Variants in P2RX6 observed in about 807,000 individuals in gnomAD.
The protein encoded by P2RX6 is purinergic receptor P2X 6.
In P2RX6, 62 loss-of-function variants were observed where a neutral mutation model predicts 54.2. That is an observed-to-expected ratio of 1.14 (90% confidence interval 0.93 to 1.41). P2RX6 has a LOEUF of 1.41. Ranked by LOEUF, P2RX6 falls within the 40% of genes most tolerant of loss-of-function variation. The pLI, the probability that P2RX6 is intolerant of heterozygous loss-of-function variation, is 0.00. For synonymous variants in P2RX6, 211 were observed against 231.9 expected, an observed-to-expected ratio of 0.91 and a Z score of 0.82; for missense variants, 541 against 566.3, an observed-to-expected ratio of 0.96 and a Z score of 0.45.
intron 9 of P2RX6, 39 bp from the exon 10 acceptor site, chr22:21,025,972 C>T: frequency 6.3e-7 from 1 of 1,594,538 alleles, no homozygotes; most frequent in Non-Finnish European, 8.5e-7. Context: ...ATGAGGCTGA[C>T]AGTCGTGGGC....
At chr22:21,022,773 C>T in intron 4 of P2RX6, 22 bp downstream of exon 4, 1 of 1,546,982 alleles carries the variant, frequency 6.5e-7, no homozygotes, top group African/African-American at 1.4e-5. Context: ...CTCTGTCTTC[C>T]AGTGCCCCCA....
Position 21,026,831 on chromosome 22 carries a change from T to G in P2RX6, c.*214T>G, listed in dbSNP as rs1928545146. ...TGAGACGGCGACAGAACCTGACCCG[T>G]GGAGACTGGGAGAGCCCAGCAGGCA... On this transcript the variant is annotated 3_prime_UTR_variant, in exon 12 of 12. Coordinates refer to ENST00000413302, the MANE Select transcript of P2RX6 (RefSeq NM_005446.5). The surrounding 1 kb of genome is among the most constrained non-coding windows in gnomAD (Gnocchi z 4.0). 2.0e-6 allele frequency: 2 copies of G among 1,015,226 alleles called. No homozygotes were observed. The highest frequency in any genetic ancestry group is 3.5e-5 in the South Asian group (2 of 57,656). 62.9% of individuals were successfully genotyped at this position (1,015,226 alleles called of 1,614,324 possible).
intron 1 of P2RX6, chr22:21,010,087 G>C (rs1925655008): frequency 6.6e-6 from 1 of 152,246 alleles, no homozygotes; most frequent in Admixed American, 6.5e-5. Flanking sequence ...CCATTGCCAT[G>C]GATCAAGTGG....
At chr22:21,020,488 C>T (rs1312059269) in intron 3 of P2RX6, among the ~76,000 whole-genome samples, 1 of 152,174 alleles carries the variant, frequency 6.6e-6, no homozygotes, top group Non-Finnish European at 1.5e-5. Context: ...ACTTCAAAGA[C>T]CACCCACATG....
chr22:21,021,355 G>C (rs958905475), intron 3 of P2RX6, among the ~76,000 whole-genome samples: 3 of 152,066 alleles, frequency 2.0e-5, no homozygotes, highest in Admixed American at 6.5e-5. Flanking sequence ...CTGCACATTG[G>C]GATGCACCAC....
rs960880194 is a variant in P2RX6 at position 21,026,992 on chromosome 22, C to T, written c.*375C>T. The T allele has an allele frequency of 1.0e-4, 25 of 239,510 alleles. No individual in the cohort carries two copies. The South Asian group carries it at 2.1e-3, about 20-fold the overall frequency. 14.8% of individuals were successfully genotyped at this position (239,510 alleles called of 1,614,324 possible). ...CCAGCTGTCAGCACAGACCCTCCTG[C>T]TGCCTGGGTCCTGGCCCTCCTCCCC... On this transcript the variant is annotated 3_prime_UTR_variant, in exon 12 of 12. Coordinates refer to ENST00000413302, the MANE Select transcript of P2RX6 (RefSeq NM_005446.5). The surrounding 1 kb of genome is among the most constrained non-coding windows in gnomAD (Gnocchi z 4.0).
In P2RX6 at chr22:21,023,421, G is replaced by A; in HGVS notation, c.780+5G>A. On this transcript the variant is annotated splice_donor_5th_base_variant and intron_variant, in intron 7 of 11. Transcript: ENST00000413302. The stretch of plus-strand genomic sequence containing the variant: ...TTCGAGGACCTGGCGTTGCTGGTGG[G>A]TCCCAAGTTGGGGGCAGGGTTCCTA... 6.2e-7 allele frequency: 1 copy of A among 1,614,000 alleles called. No individual in the cohort carries two copies. Among genetic ancestry groups the A allele is most frequent in the Non-Finnish European group, 8.5e-7 (1 of 1,179,884 alleles).
At chr22:21,010,675 G>T (rs1489856123), upstream of P2RX6, among the ~76,000 whole-genome samples, 1 of 152,140 alleles carries the variant, frequency 6.6e-6, no homozygotes, top group African/African-American at 2.4e-5. Flanking sequence ...GCAGGTAGAA[G>T]TGCAAATTCC....
At chr22:21,017,840 C>T (rs1926673083) in intron 2 of P2RX6, 149 bp from the exon 3 acceptor site, 1 of 704,010 alleles carries the variant, frequency 1.4e-6, no homozygotes, top group South Asian at 1.5e-5. Context: ...CTGCCAGCCT[C>T]CCATCTCTGC....
At chr22:21,015,832 G>T in intron 1 of P2RX6, 110 bp from the exon 2 acceptor site, 1 of 1,156,120 alleles carries the variant, frequency 8.6e-7, no homozygotes, top group Non-Finnish European at 1.2e-6. Context: ...CTTCGATGTT[G>T]GGCCGGGAGC....
intron 3 of P2RX6, 93 bp downstream of exon 3, chr22:21,018,153 T>C: frequency 1.2e-6 from 1 of 816,246 alleles, no homozygotes; most frequent in Non-Finnish European, 2.1e-6. Context: ...CCCAGGTGGC[T>C]GAAGGCTCAG....
At chr22:21,014,460 G>C (rs1195092609), upstream of P2RX6, among the ~76,000 whole-genome samples, 3 of 152,218 alleles carry the variant, frequency 2.0e-5, no homozygotes, top group East Asian at 5.8e-4. Flanking sequence ...CCTCGCCTGA[G>C]AGGATAAACT....
At chr22:21,022,485 C>T (rs566042769) in intron 3 of P2RX6, among the ~76,000 whole-genome samples, 191 bp from the exon 4 acceptor site, 39 of 152,344 alleles carry the variant, frequency 2.6e-4, no homozygotes, top group African/African-American at 9.1e-4. Flanking sequence ...CTGACCACCT[C>T]CTTTTATTTG....
upstream of P2RX6, chr22:21,011,612 C>T (rs1925740774): frequency 1.4e-6 from 1 of 712,922 alleles, no homozygotes; most frequent in Non-Finnish European, 2.6e-6. Flanking sequence ...AGCCACTCCT[C>T]AGCCAGTGGG....
upstream of P2RX6, among the ~76,000 whole-genome samples, chr22:21,014,848 G>A (rs1343581796): frequency 1.3e-5 from 2 of 152,170 alleles, no homozygotes; most frequent in African/African-American, 4.8e-5. Flanking sequence ...CCGCCCTGCT[G>A]CTGCTGCCCT....
At chr22:21,012,871 GC>G (rs1215482493), upstream of P2RX6, among the ~76,000 whole-genome samples, 1 of 150,708 alleles carries the variant, frequency 6.6e-6, no homozygotes, top group African/African-American at 2.4e-5. Flanking sequence ...AACCCTTCAT[GC>G]CATCTGTCAT....
upstream of P2RX6, chr22:21,011,470 G>T (rs146547300): frequency 2.0e-5 from 14 of 705,180 alleles, no homozygotes; most frequent in South Asian, 2.1e-4. Flanking sequence ...GTGCTGGGCC[G>T]CCTGCTCCTC....
rs1270485542 is a variant in P2RX6, at chr22:21,024,590, G to A, written c.890+972G>A. ...CACGCCCGACCTTTTTTTTTGAAAC[G>A]GAGTTTTCACTTTCTTGTAGTCCAG... On this transcript the variant is annotated intron_variant, in intron 8 of 11. Transcript: ENST00000413302. Among the ~76,000 whole-genome samples the A allele has an allele frequency of 5.5e-5, 8 of 145,208 alleles. No individual in the cohort carries two copies. In the Admixed American group the frequency reaches 5.5e-4, roughly 10 times the overall value.
At position 21,019,449 on chromosome 22, in the gene P2RX6, G is replaced by A. The variant is rs113772384; in HGVS notation, c.387+1389G>A. Among the ~76,000 whole-genome samples, 834 of 152,290 alleles carry A rather than the reference G, an allele frequency of 5.5e-3. 9 individuals carry two copies. Among genetic ancestry groups the A allele is most frequent in the African/African-American group, 0.018 (763 of 41,552 alleles). On this transcript the variant is annotated intron_variant, in intron 3 of 11. Transcript: ENST00000413302. ...TCCTGCTCACCCCCTGAGTAGCTGG[G>A]ATTACAGGTGCCCGCCACTGTGCCC...
Sources: allele counts gnomAD v4.1 joint callset (sites outside exome capture counted in the v4.1 genomes callset), GRCh38; gene constraint gnomAD v4.1.1; non-coding constraint Gnocchi (gnomAD v3.1); transcripts MANE v1.5; gene names NCBI Gene and HGNC (gene_info 2026-07-23, HGNC 2026-07-21).